The following CHIC2 variants were observed in gnomAD, a reference collection of about 807,000 sequenced individuals.
CHIC2 encodes cysteine rich hydrophobic domain 2.
A neutral mutation model predicts 25.9 loss-of-function variants in CHIC2; 14 were observed. The observed-to-expected ratio is 0.54, with a 90% CI of 0.36 to 0.85. The LOEUF is 0.85. CHIC2 is among the 40% of genes least tolerant of loss of function. CHIC2 has a pLI of 0.01. For missense variants in CHIC2, 146 were observed against 202.0 expected (o/e 0.72, Z 1.68); for synonymous variants, 70 against 72.0 (o/e 0.97, Z 0.14).
intron 3 of CHIC2, among the ~76,000 whole-genome samples, chr4:54,044,460 G>A (rs1019242205): frequency 1.3e-5 from 2 of 152,200 alleles, no homozygotes; most frequent in African/African-American, 4.8e-5. Flanking sequence ...TCAGACCACA[G>A]TGCAATCAAA....
At chr4:54,045,926 T>G (rs1191266524) in intron 3 of CHIC2, among the ~76,000 whole-genome samples, 15 of 152,286 alleles carry the variant, frequency 9.8e-5, no homozygotes, top group African/African-American at 3.4e-4. Flanking sequence ...AAAATCTCCT[T>G]AAGCTGATAA....
At chr4:54,075,564 GTTAT>G in the CHIC2 span, among the ~76,000 whole-genome samples, 1 of 152,090 alleles carries the variant, frequency 6.6e-6, no homozygotes, top group African/African-American at 2.4e-5. Flanking sequence ...TATTTTTATT[GTTAT>G]TTTGAGACTG....
At chr4:54,083,834 T>C in the CHIC2 span, among the ~76,000 whole-genome samples, 2 of 152,262 alleles carry the variant, frequency 1.3e-5, no homozygotes, top group Admixed American at 1.3e-4. Context: ...AGACCATTCA[T>C]CTTACTACAG....
At chr4:54,032,279 C>T (rs1313461479) in intron 3 of CHIC2, among the ~76,000 whole-genome samples, 1 of 142,542 alleles carries the variant, frequency 7.0e-6, no homozygotes, top group Admixed American at 7.0e-5. Context: ...CTCCCCCTCC[C>T]CCTCCCTCTC....
chr4:54,020,690 G>A (rs879808926), intron 3 of CHIC2, among the ~76,000 whole-genome samples: 4 of 151,966 alleles, frequency 2.6e-5, no homozygotes, highest in South Asian at 2.1e-4. Context: ...AGCCTCTCTC[G>A]CTACCCTTCA....
intron 3 of CHIC2, among the ~76,000 whole-genome samples, chr4:54,021,059 C>T (rs954857062): frequency 3.9e-5 from 6 of 152,202 alleles, no homozygotes; most frequent in African/African-American, 1.4e-4. Flanking sequence ...TATGGGCAAC[C>T]TTCCACCCTC....
At position 54,064,304 on chromosome 4, in the gene CHIC2, G is replaced by T; in HGVS notation, c.-4C>A. On this transcript the variant is annotated 5_prime_UTR_variant, in exon 1 of 6. Coordinates refer to ENST00000263921, the MANE Select transcript of CHIC2 (RefSeq NM_012110.4). The surrounding 1 kb of genome is among the most constrained non-coding windows in gnomAD (Gnocchi z 4.2). The stretch of plus-strand genomic sequence containing the variant: ...AGATTTCGTCGAAATCCGCCATCCT[G>T]AGCCTCCGAGCTCCCCTGCCCAAAG... 1 of 1,613,216 alleles carries T rather than the reference G, an allele frequency of 6.2e-7. No homozygotes were observed. The highest frequency in any genetic ancestry group is 8.5e-7 in the Non-Finnish European group (1 of 1,179,578).
upstream of CHIC2, among the ~76,000 whole-genome samples, chr4:54,067,410 A>G (rs538033348): frequency 2.2e-4 from 34 of 152,214 alleles, no homozygotes; most frequent in Admixed American, 9.2e-4. Flanking sequence ...GTGAGCGAAC[A>G]TGAGTCAAAC....
chr4:54,049,584 A>G (rs1475676425), intron 1 of CHIC2, among the ~76,000 whole-genome samples: 1 of 152,230 alleles, frequency 6.6e-6, no homozygotes, highest in Non-Finnish European at 1.5e-5. Context: ...ATTTAATTTG[A>G]GCTACCAACT....
the CHIC2 span, among the ~76,000 whole-genome samples, chr4:54,080,942 GTATATATA>G: frequency 0.067 from 6,780 of 100,886 alleles, 225 homozygotes; most frequent in Middle Eastern, 0.081. Flanking sequence ...ATGTGTGTGT[GTATATATA>G]TATATATATA....
the CHIC2 span, among the ~76,000 whole-genome samples, chr4:54,084,959 CAAAAAA>C: frequency 1.0e-4 from 6 of 58,926 alleles, no homozygotes; most frequent in South Asian, 7.7e-4. Flanking sequence ...TGCTCTGTCT[CAAAAAA>C]AAAAAAAAAA....
At chr4:54,069,944 GA>G in the CHIC2 span, among the ~76,000 whole-genome samples, 66 of 152,316 alleles carry the variant, frequency 4.3e-4, no homozygotes, top group African/African-American at 1.5e-3. Context: ...GGGGAGGACT[GA>G]CAGATAATTA....
intron 1 of CHIC2, among the ~76,000 whole-genome samples, chr4:54,054,222 G>A (rs1463131917): frequency 6.6e-6 from 1 of 152,206 alleles, no homozygotes; most frequent in Non-Finnish European, 1.5e-5. Flanking sequence ...TTTCTTGAAT[G>A]CATTTCAATG....
chr4:54,087,767 A>G, the CHIC2 span: 6 of 479,236 alleles, frequency 1.3e-5, no homozygotes, highest in African/African-American at 1.2e-4. Context: ...TCTGCTAAGT[A>G]CCACCACAAA....
chr4:54,019,055 T>C (rs1475059303), intron 3 of CHIC2, among the ~76,000 whole-genome samples: 4 of 151,864 alleles, frequency 2.6e-5, no homozygotes, highest in Admixed American at 2.6e-4. Context: ...TAGCTGTAAG[T>C]TATTAGGGAG....
At chr4:54,062,969 A>T (rs142627473) in intron 1 of CHIC2, among the ~76,000 whole-genome samples, 1 of 152,346 alleles carries the variant, frequency 6.6e-6, no homozygotes, top group Non-Finnish European at 1.5e-5. Context: ...GCAATTATGC[A>T]GTGTTTTTAC....
chr4:54,081,116 G>C, the CHIC2 span, among the ~76,000 whole-genome samples: 3 of 151,374 alleles, frequency 2.0e-5, no homozygotes, highest in Non-Finnish European at 4.4e-5. Flanking sequence ...AGATTCCACT[G>C]CCTATAAATT....
intron 3 of CHIC2, among the ~76,000 whole-genome samples, chr4:54,016,312 T>C (rs1286048829): frequency 2.0e-5 from 3 of 152,186 alleles, no homozygotes; most frequent in Non-Finnish European, 4.4e-5. Context: ...GATCTCATTA[T>C]GATATATAGA....
the CHIC2 span, among the ~76,000 whole-genome samples, chr4:54,083,018 C>CTTTTTTTTTTTTTT: frequency 1.1e-3 from 78 of 67,914 alleles, 1 homozygote; most frequent in African/African-American, 1.7e-3. Flanking sequence ...TTCTTTCTTT[C>CTTTTTTTTTTTTTT]TTTTTTTTTT....
Sources: allele counts gnomAD v4.1 joint callset (sites outside exome capture counted in the v4.1 genomes callset), GRCh38; gene constraint gnomAD v4.1.1; non-coding constraint Gnocchi (gnomAD v3.1); transcripts MANE v1.5; gene names NCBI Gene and HGNC (gene_info 2026-07-23, HGNC 2026-07-21).